Variants in EIF4G3 observed in about 807,000 individuals in gnomAD.
The protein encoded by EIF4G3 is eIF-4-gamma 3.
EIF4G3 carries 34 observed loss-of-function variants against 186.4 expected under a neutral mutation model. The ratio of observed to expected loss-of-function variants is 0.18; its 90% CI spans 0.14 to 0.24. The LOEUF is 0.24. EIF4G3 is among the 10% of genes least tolerant of loss of function. The pLI is 1.00. For synonymous variants in EIF4G3, 673 were observed against 679.5 expected (o/e 0.99, Z 0.15); for missense variants, 1,536 against 1,948.5 (o/e 0.79, Z 3.99).
intron 28 of EIF4G3, 71 bp downstream of exon 28, chr1:20,851,187 A>G: frequency 1.4e-6 from 2 of 1,413,524 alleles, no homozygotes; most frequent in South Asian, 1.2e-5. Context: ...CTACTCAGGC[A>G]CAGTCTCTTT....
chr1:20,846,671 T>C (rs917359816), intron 29 of EIF4G3, among the ~76,000 whole-genome samples: 5 of 152,216 alleles, frequency 3.3e-5, no homozygotes, highest in African/African-American at 1.2e-4. Flanking sequence ...ACAAATATGG[T>C]ATACCCAGTC....
chr1:21,167,937 T>C (rs767308122), intron 2 of EIF4G3: 1 of 386,736 alleles, frequency 2.6e-6, no homozygotes, highest in African/African-American at 2.1e-5. Flanking sequence ...ACAGGAACAA[T>C]AACTCAAAAG....
intron 30 of EIF4G3, among the ~76,000 whole-genome samples, chr1:20,836,005 G>C (rs750031457): frequency 3.3e-5 from 5 of 151,376 alleles, no homozygotes; most frequent in Non-Finnish European, 5.9e-5. Flanking sequence ...ACTTGAAGAA[G>C]AACAAATTCT....
chr1:21,118,589 C>A (rs1318456210), intron 2 of EIF4G3, among the ~76,000 whole-genome samples: 2 of 152,030 alleles, frequency 1.3e-5, no homozygotes, highest in Non-Finnish European at 2.9e-5. Context: ...AGCTTGAGAC[C>A]AGCCTAGCCA....
At chr1:21,151,823 T>C (rs186424205) in intron 2 of EIF4G3, among the ~76,000 whole-genome samples, 32 of 152,258 alleles carry the variant, frequency 2.1e-4, no homozygotes, top group Admixed American at 1.8e-3. Context: ...CCAGTTTCTG[T>C]TACATTACCT....
At chr1:21,059,478 AG>A (rs2094768723) in intron 3 of EIF4G3, among the ~76,000 whole-genome samples, 1 of 152,112 alleles carries the variant, frequency 6.6e-6, no homozygotes, top group Non-Finnish European at 1.5e-5. Flanking sequence ...GATATGAGGA[AG>A]GAAGTTTTAC....
At position 20,837,354 on chromosome 1, in the gene EIF4G3, C is replaced by T. The variant is rs550373389; in HGVS notation, c.4061+3502G>A. On this transcript the variant is annotated intron_variant, in intron 30 of 36. Coordinates refer to ENST00000602326, the MANE Select transcript of EIF4G3 (RefSeq NM_001391906.1). ...CCGAGCAGCTGGGATTACAGGCATG[C>T]GCCACCATGCCCAGCTAATTTTTGT... 7.2e-5 allele frequency among the ~76,000 whole-genome samples: 11 copies of T among 152,192 alleles called. No individual in the cohort carries two copies. In the East Asian group the frequency reaches 9.7e-4, roughly 13 times the overall value.
intron 2 of EIF4G3, among the ~76,000 whole-genome samples, chr1:21,129,374 A>T (rs1418597052): frequency 1.3e-5 from 2 of 152,152 alleles, no homozygotes; most frequent in Non-Finnish European, 2.9e-5. Context: ...GTGGACTGGC[A>T]TATCAGTTTC....
At chr1:21,078,453 T>G (rs1405863670) in intron 3 of EIF4G3, among the ~76,000 whole-genome samples, 1 of 152,066 alleles carries the variant, frequency 6.6e-6, no homozygotes, top group African/African-American at 2.4e-5. Flanking sequence ...CTGGGAAGCA[T>G]GGAAGGGTGG....
At chr1:21,034,646 A>G (rs985525337) in intron 4 of EIF4G3, among the ~76,000 whole-genome samples, 1 of 152,244 alleles carries the variant, frequency 6.6e-6, no homozygotes, top group Non-Finnish European at 1.5e-5. Flanking sequence ...TGGACCATAC[A>G]AAGTGGCTGC....
At chr1:20,882,637 A>G (rs1444228015) in intron 19 of EIF4G3, among the ~76,000 whole-genome samples, 1 of 151,228 alleles carries the variant, frequency 6.6e-6, no homozygotes, top group African/African-American at 2.4e-5. Context: ...AAACAAAAAA[A>G]AACAAAAAAA....
chr1:20,954,779 T>C (rs1305236618), intron 12 of EIF4G3, among the ~76,000 whole-genome samples: 1 of 152,168 alleles, frequency 6.6e-6, no homozygotes, highest in Non-Finnish European at 1.5e-5. Flanking sequence ...AGGAAACATA[T>C]GGTATAGACC....
At chr1:20,808,179 C>T (rs1013119799) in intron 36 of EIF4G3, among the ~76,000 whole-genome samples, 4 of 151,980 alleles carry the variant, frequency 2.6e-5, no homozygotes, top group African/African-American at 9.7e-5. Context: ...CCACCGTGCC[C>T]GGCCCAATCT....
chr1:21,075,965 G>A (rs755480237), intron 3 of EIF4G3, among the ~76,000 whole-genome samples: 3 of 152,000 alleles, frequency 2.0e-5, no homozygotes, highest in Non-Finnish European at 2.9e-5. Flanking sequence ...ATAACCAAAC[G>A]TTGGATTTAA....
chr1:21,100,336 C>T (rs2096488049), intron 2 of EIF4G3, among the ~76,000 whole-genome samples: 1 of 152,084 alleles, frequency 6.6e-6, no homozygotes, highest in South Asian at 2.1e-4. Flanking sequence ...GTTAACTGTA[C>T]ATTTGTACAT....
chr1:20,978,063 G>C (rs561282915), intron 10 of EIF4G3, among the ~76,000 whole-genome samples: 1 of 152,258 alleles, frequency 6.6e-6, no homozygotes, highest in East Asian at 1.9e-4. Context: ...GTCTATTTCA[G>C]CATGTTCATG....
chr1:20,828,389 C>CAGCAAAGGGGCCAATTTTGT (rs2064216460), intron 31 of EIF4G3, among the ~76,000 whole-genome samples: 1 of 152,030 alleles, frequency 6.6e-6, no homozygotes, highest in African/African-American at 2.4e-5. Context: ...ATGGATGAAA[C>CAGCAAAGGGGCCAATTTTGT]AGCAAAGGGG....
chr1:20,932,567 A>G lies in EIF4G3; in HGVS notation c.1663+8924T>C, dbSNP rs986762370. ...CTTAGAAGTCACTGCAGGGTTATTAATACCCTAATTTCAATATTGTTGTAT... is the reference window on the plus strand; with the variant it reads ...CTTAGAAGTCACTGCAGGGTTATTAGTACCCTAATTTCAATATTGTTGTAT... On this transcript the variant is annotated intron_variant, in intron 14 of 36. Coordinates refer to ENST00000602326, the MANE Select transcript of EIF4G3 (RefSeq NM_001391906.1). Among the ~76,000 whole-genome samples the G allele has an allele frequency of 2.0e-5, 3 of 152,206 alleles. No individual in the cohort carries two copies. The South Asian group carries it at 6.2e-4, about 32-fold the overall frequency.
Position 20,810,893 on chromosome 1 carries a change from G to A in EIF4G3, c.4598-9C>T. 1.2e-6 allele frequency: 2 copies of A among 1,606,250 alleles called. No individual in the cohort carries two copies. Among genetic ancestry groups the A allele is most frequent in the Non-Finnish European group, 1.7e-6 (2 of 1,174,366 alleles). ...GAAGGTAGAAGAGTCGGCTAAAGGT[G>A]ATAGAAGAACTAGGAATTACATTTA... On this transcript the variant is annotated splice_polypyrimidine_tract_variant and intron_variant, in intron 35 of 36. Transcript: ENST00000602326. The surrounding 1 kb of genome is among the most constrained non-coding windows in gnomAD (Gnocchi z 4.1).
Sources: gnomAD v4.1 joint callset for allele counts (sites outside exome capture counted in the v4.1 genomes callset) on GRCh38, gnomAD v4.1.1 for gene constraint, Gnocchi (gnomAD v3.1) non-coding constraint, MANE v1.5 for transcripts, NCBI Gene and HGNC (gene_info 2026-07-23, HGNC 2026-07-21) for gene names.